NSMCE4A: variants seen among roughly 807,000 people sequenced by gnomAD.
The protein encoded by NSMCE4A is NSE4A component of SMC5/6 complex.
NSMCE4A carries 40 observed loss-of-function variants against 47.9 expected under a neutral mutation model. The observed-to-expected ratio is 0.83, with a 90% CI of 0.65 to 1.09. NSMCE4A has a LOEUF of 1.09. Ranked by LOEUF, NSMCE4A falls within the 50% of genes least tolerant of loss-of-function variation. The probability of loss-of-function intolerance (pLI) is 0.00; values close to 1 mark genes in which losing one functional copy is unlikely to be tolerated. For synonymous variants in NSMCE4A, 166 were observed against 178.5 expected (o/e 0.93, Z 0.56); for missense variants, 500 against 507.0 (o/e 0.99, Z 0.13).
chr10:121,971,319 G>A (rs976475776), intron 2 of NSMCE4A, among the ~76,000 whole-genome samples: 1 of 152,048 alleles, frequency 6.6e-6, no homozygotes, highest in African/African-American at 2.4e-5. Context: ...GACCATCCTG[G>A]CTAACACGGT....
At chr10:121,971,097 C>T (rs1291255121) in intron 2 of NSMCE4A, 28 bp from the exon 3 acceptor site, 1 of 1,596,226 alleles carries the variant, frequency 6.3e-7, no homozygotes, top group South Asian at 1.1e-5. Flanking sequence ...AAAATATTCA[C>T]ATTACAAAAT....
chr10:121,974,407 C>T, intron 1 of NSMCE4A: 1 of 1,049,346 alleles, frequency 9.5e-7, no homozygotes, highest in Non-Finnish European at 1.2e-6. Context: ...TGGAGGGCCA[C>T]TCCACAGTTG....
intron 3 of NSMCE4A, 36 bp from the exon 4 acceptor site, chr10:121,967,842 G>A: frequency 6.3e-7 from 1 of 1,588,110 alleles, no homozygotes; most frequent in Non-Finnish European, 8.5e-7. Flanking sequence ...ACCCAGTTAA[G>A]CCACATGCAA....
intron 1 of NSMCE4A, chr10:121,974,369 A>C: frequency 8.6e-7 from 1 of 1,161,034 alleles, no homozygotes; most frequent in Non-Finnish European, 1.1e-6. Flanking sequence ...GTGGTTCTCA[A>C]ACTTTGCAAG....
rs1952633889 is a variant in NSMCE4A at position 121,967,735 on chromosome 10, T to C, written c.573A>G (p.Glu191=). Residue 191 remains glutamate, a synonymous_variant, in exon 4 of 11, where the codon GAA becomes GAG. Coordinates refer to ENST00000369023, the MANE Select transcript of NSMCE4A (RefSeq NM_017615.3). The part of the protein sequence containing the change: ...LIRDEDSPDF[E]FIVYDSWKIT... ...TCTTCCAGGAGTCATAGACTATGAA[T>C]TCAAAATCAGGACTATCTTCATCAC... 6.2e-7 allele frequency: 1 copy of C among 1,614,198 alleles called. No homozygotes were observed. Among genetic ancestry groups the C allele is most frequent in the Non-Finnish European group, 8.5e-7 (1 of 1,180,026 alleles).
chr10:121,964,333 C>G (rs1590782181), intron 5 of NSMCE4A, among the ~76,000 whole-genome samples: 1 of 152,092 alleles, frequency 6.6e-6, no homozygotes, highest in African/African-American at 2.4e-5. Context: ...TTAGTAGAGA[C>G]AGGGTTTCAC....
intron 2 of NSMCE4A, among the ~76,000 whole-genome samples, chr10:121,972,273 A>G (rs1952728974): frequency 6.6e-6 from 1 of 152,072 alleles, no homozygotes; most frequent in Non-Finnish European, 1.5e-5. Context: ...GCAGTGAGCC[A>G]AGATCATGCC....
At chr10:121,962,970 GGGGA>G (rs1479562514) in intron 6 of NSMCE4A, among the ~76,000 whole-genome samples, 3 of 152,106 alleles carry the variant, frequency 2.0e-5, no homozygotes, top group Non-Finnish European at 2.9e-5. Context: ...TTTATAATGA[GGGGA>G]GGTGGAACAG....
chr10:121,970,940 A>G lies in NSMCE4A; in HGVS notation c.500T>C (p.Leu167Pro), dbSNP rs1952696685. 6.2e-7 allele frequency: 1 copy of G among 1,605,680 alleles called. No individual in the cohort carries two copies. The highest frequency in any genetic ancestry group is 8.5e-7 in the Non-Finnish European group (1 of 1,176,142). ...CAGAGTCTGTAGCTTTGAACTTACT[A>G]GAGTTTCAACATATCTTAACATGTC... The part of the protein sequence containing the change: ...SFDMLRYVET[L>P]LTHMGVNPLE... The change falls in exon 3 of 11, where the codon CTA becomes CCA. Residue 167 changes from leucine (L) to proline (P), a missense_variant and splice_region_variant. Coordinates refer to ENST00000369023, the MANE Select transcript of NSMCE4A (RefSeq NM_017615.3).
chr10:121,958,761 C>T (rs1350393868), intron 10 of NSMCE4A, among the ~76,000 whole-genome samples: 3 of 151,918 alleles, frequency 2.0e-5, no homozygotes, highest in Non-Finnish European at 4.4e-5. Flanking sequence ...TTATTAAAAA[C>T]AAAAACAAAA....
chr10:121,962,087 G>A (rs1332787545), intron 6 of NSMCE4A: 3 of 393,390 alleles, frequency 7.6e-6, no homozygotes, highest in Non-Finnish European at 1.5e-5. Context: ...TCCAGTCTGG[G>A]CGAAAGAGTG....
chr10:121,975,081 G>C lies in NSMCE4A; in HGVS notation c.85C>G (p.Arg29Gly), dbSNP rs182680295. 6.9e-7 allele frequency: 1 copy of C among 1,442,236 alleles called. No homozygotes were observed. Among genetic ancestry groups the C allele is most frequent in the Admixed American group, 3.1e-5 (1 of 32,332 alleles). The allele number at this position is 1,442,236 out of a possible 1,614,324, so 89.3% of individuals were successfully genotyped here. ...PHRDRTRSRSRSRSPLSPRSR... is the reference protein window; with the variant it reads ...PHRDRTRSRSGSRSPLSPRSR... ...CTGGGCGACAAAGGGGACCGCGAGC[G>C]GGAGCGGGAGCGGGTGCGATCCCGA... Residue 29 changes from arginine (R) to glycine (G), a missense_variant, in exon 1 of 11, where the codon CGC becomes GGC. Transcript: ENST00000369023.
intron 4 of NSMCE4A, 89 bp from the exon 5 acceptor site, chr10:121,965,474 T>C: frequency 1.0e-6 from 1 of 960,918 alleles, no homozygotes; most frequent in South Asian, 1.5e-5. Context: ...TTGCATGGTA[T>C]AGTCAAATTC....
At chr10:121,967,517 T>C (rs1952628950) in intron 4 of NSMCE4A, 138 bp downstream of exon 4, 3 of 929,996 alleles carry the variant, frequency 3.2e-6, no homozygotes, top group Non-Finnish European at 4.8e-6. Flanking sequence ...TGAACTTTCA[T>C]ATCAAAGTTT....
At chr10:121,963,877 T>A (rs1331867090) in intron 5 of NSMCE4A, among the ~76,000 whole-genome samples, 2 of 149,818 alleles carry the variant, frequency 1.3e-5, no homozygotes, top group African/African-American at 4.9e-5. Context: ...GGCAGGTGGA[T>A]CACAAGGTCA....
At chr10:121,972,590 T>C (rs1022682337) in intron 2 of NSMCE4A, among the ~76,000 whole-genome samples, 2 of 152,096 alleles carry the variant, frequency 1.3e-5, no homozygotes, top group Middle Eastern at 3.4e-3. Context: ...ATACTGGAAA[T>C]AGCTGAGGGG....
At position 121,960,976 on chromosome 10, in the gene NSMCE4A, TTCA is replaced by T. The variant is rs995677049; in HGVS notation, c.939+444_939+446del. 1.3e-5 allele frequency among the ~76,000 whole-genome samples: 2 copies of T among 152,336 alleles called. No individual in the cohort carries two copies. The highest frequency in any genetic ancestry group is 4.8e-5 in the African/African-American group (2 of 41,584). On this transcript the variant is annotated intron_variant, in intron 7 of 10. Coordinates refer to ENST00000369023, the MANE Select transcript of NSMCE4A (RefSeq NM_017615.3). This position sits in a 1 kb window ranked among gnomAD's most constrained non-coding sequence, Gnocchi z 4.2. ...ACGTGGCATATATCCTTTACCCATATTCATCAGTCGTTAAAGTGTTAGTTACCA... is the reference window on the plus strand; with the variant it reads ...ACGTGGCATATATCCTTTACCCATATTCAGTCGTTAAAGTGTTAGTTACCA...
At chr10:121,965,178 G>T in intron 5 of NSMCE4A, 108 bp downstream of exon 5, 1 of 629,244 alleles carries the variant, frequency 1.6e-6, no homozygotes. Flanking sequence ...GACAAAACCT[G>T]GCTCCAGACC....
Position 121,975,036 on chromosome 10 carries a change from G to A in NSMCE4A, c.130C>T (p.Arg44Trp), listed in dbSNP as rs1055979668. 13 of 1,477,056 alleles carry A rather than the reference G, an allele frequency of 8.8e-6. No homozygotes were observed. In the Middle Eastern group the frequency reaches 5.9e-4, roughly 67 times the overall value. The allele number at this position is 1,477,056 out of a possible 1,614,324, so 91.5% of individuals were successfully genotyped here. ...CGCTCTGGGGCCTCTCTGCGCTCCC[G>A]CGCAGAGCCGCGGCGGGACCTGGGC... ...LSPRSRRGSA[R>W]ERREAPERPS... is the part of the protein sequence containing the mutation. The change falls in exon 1 of 11, where the codon CGG becomes TGG. Residue 44 changes from arginine to tryptophan, a missense_variant. Arg to Trp is a moderately radical substitution (Grantham distance 101). Coordinates refer to ENST00000369023, the MANE Select transcript of NSMCE4A (RefSeq NM_017615.3).
Sources: allele counts gnomAD v4.1 joint callset (sites outside exome capture counted in the v4.1 genomes callset), GRCh38; gene constraint gnomAD v4.1.1; non-coding constraint Gnocchi (gnomAD v3.1); transcripts MANE v1.5; gene names NCBI Gene and HGNC (gene_info 2026-07-23, HGNC 2026-07-21).